The following ZDHHC21 variants were observed in gnomAD, a reference collection of about 807,000 sequenced individuals.
ZDHHC21 encodes the protein palmitoyltransferase ZDHHC21.
Under a neutral mutation model 34.6 loss-of-function variants are expected in ZDHHC21, and 15 were observed. The ratio of observed to expected loss-of-function variants is 0.43; its 90% CI spans 0.29 to 0.67. ZDHHC21 has a LOEUF of 0.67. Ranked by LOEUF, ZDHHC21 falls within the 30% of genes least tolerant of loss-of-function variation. ZDHHC21 has a pLI of 0.14. For missense variants in ZDHHC21, 344 were observed against 327.7 expected (o/e 1.05, Z -0.38); for synonymous variants, 142 against 101.8 (o/e 1.40, Z -2.38).
At chr9:14,627,660 TA>T in intron 8 of ZDHHC21, among the ~76,000 whole-genome samples, 1 of 152,230 alleles carries the variant, frequency 6.6e-6, no homozygotes, top group Non-Finnish European at 1.5e-5. Flanking sequence ...AAAAATTAGA[TA>T]AACTGTCAGA....
intron 7 of ZDHHC21, among the ~76,000 whole-genome samples, chr9:14,648,597 C>A (rs1260236149): frequency 6.6e-6 from 1 of 152,082 alleles, no homozygotes; most frequent in Admixed American, 6.6e-5. Flanking sequence ...ACTATATCCA[C>A]CCCTGTACCC....
At chr9:14,602,928 C>CAAAAAAAAA in the ZDHHC21 span, among the ~76,000 whole-genome samples, 2 of 88,060 alleles carry the variant, frequency 2.3e-5, no homozygotes, top group African/African-American at 1.0e-4. Flanking sequence ...GACTTCATCT[C>CAAAAAAAAA]AAAAAAAAAA....
At chr9:14,592,109 AT>A in the ZDHHC21 span, among the ~76,000 whole-genome samples, 1 of 151,380 alleles carries the variant, frequency 6.6e-6, no homozygotes, top group Non-Finnish European at 1.5e-5. Flanking sequence ...TGTCTTATAT[AT>A]TTTTTTCTCT....
intron 7 of ZDHHC21, among the ~76,000 whole-genome samples, chr9:14,651,311 T>C (rs1380281757): frequency 3.3e-5 from 5 of 151,902 alleles, no homozygotes; most frequent in Admixed American, 2.6e-4. Flanking sequence ...ATATTTAATA[T>C]TATTAATCCT....
chr9:14,638,378 T>C (rs1266098597), intron 8 of ZDHHC21, among the ~76,000 whole-genome samples: 3 of 152,012 alleles, frequency 2.0e-5, no homozygotes, highest in South Asian at 4.1e-4. Context: ...TTTCTCACCA[T>C]ATACAGAAAC....
intron 5 of ZDHHC21, among the ~76,000 whole-genome samples, chr9:14,664,528 G>T (rs1392119751): frequency 1.3e-5 from 2 of 151,654 alleles, no homozygotes; most frequent in African/African-American, 4.8e-5. Flanking sequence ...AGGCCTGCCT[G>T]CCTCTGTAGG....
intron 2 of ZDHHC21, among the ~76,000 whole-genome samples, chr9:14,686,311 T>C (rs1254097013): frequency 1.3e-5 from 2 of 151,836 alleles, no homozygotes; most frequent in African/African-American, 2.4e-5. Context: ...TAGTGATCAA[T>C]TGGGAGCAAA....
rs983473636 is a variant in ZDHHC21 at position 14,658,829 on chromosome 9, T to C, written c.424A>G (p.Thr142Ala). ...HWLFLQLCFY[T>A]ELLTCYALMF... Reference sequence around the variant, plus strand: ...AGTGCGTAGCAAGTAAGAAGTTCAGTGTAGAAACACAACTGCAGAAAGAGC... The same window carrying C: ...AGTGCGTAGCAAGTAAGAAGTTCAGCGTAGAAACACAACTGCAGAAAGAGC... Residue 142 changes from threonine (T) to alanine (A), a missense_variant, in exon 7 of 10, where the codon ACT becomes GCT. Transcript: ENST00000380916. 7 of 1,613,518 alleles carry C rather than the reference T, an allele frequency of 4.3e-6. No homozygotes were observed. In the African/African-American group the frequency reaches 8.0e-5, roughly 18 times the overall value.
At chr9:14,648,692 T>C (rs1830687052) in intron 7 of ZDHHC21, among the ~76,000 whole-genome samples, 1 of 152,136 alleles carries the variant, frequency 6.6e-6, no homozygotes, top group South Asian at 2.1e-4. Flanking sequence ...GTAAGCTCCT[T>C]AAACACAGGA....
chr9:14,627,722 C>T (rs927898902), intron 8 of ZDHHC21, among the ~76,000 whole-genome samples: 5 of 152,310 alleles, frequency 3.3e-5, no homozygotes, highest in Admixed American at 2.6e-4. Context: ...CCAGAATGCG[C>T]TGTACCAGCT....
At chr9:14,610,541 C>T (rs1823171631), downstream of ZDHHC21, among the ~76,000 whole-genome samples, 1 of 151,946 alleles carries the variant, frequency 6.6e-6, no homozygotes, top group Non-Finnish European at 1.5e-5. Flanking sequence ...AAACCTCTGT[C>T]TTTCAATCTC....
intron 5 of ZDHHC21, among the ~76,000 whole-genome samples, chr9:14,663,322 T>C (rs1388126882): frequency 3.3e-5 from 5 of 152,148 alleles, no homozygotes; most frequent in Non-Finnish European, 5.9e-5. Context: ...CTAACTCCTA[T>C]ATTCAGATTG....
intron 7 of ZDHHC21, among the ~76,000 whole-genome samples, chr9:14,650,398 G>A (rs976150953): frequency 2.0e-5 from 3 of 151,642 alleles, no homozygotes; most frequent in African/African-American, 4.8e-5. Context: ...AATACTCTTG[G>A]CTATTCTTGA....
chr9:14,604,702 G>A, the ZDHHC21 span, among the ~76,000 whole-genome samples: 37 of 152,006 alleles, frequency 2.4e-4, no homozygotes, highest in African/African-American at 8.7e-4. Context: ...ACTTTTTATT[G>A]TGGCAAAAAG....
downstream of ZDHHC21, among the ~76,000 whole-genome samples, chr9:14,609,079 T>C (rs903998552): frequency 4.2e-5 from 5 of 117,720 alleles, no homozygotes; most frequent in Admixed American, 7.9e-5. Context: ...CCTTCCCCAA[T>C]TGTTTCCTCC....
intron 4 of ZDHHC21, among the ~76,000 whole-genome samples, chr9:14,673,382 A>C (rs1835821905): frequency 6.6e-6 from 1 of 152,058 alleles, no homozygotes; most frequent in Non-Finnish European, 1.5e-5. Flanking sequence ...ATGGATCTTA[A>C]AATGATTAGT....
intron 8 of ZDHHC21, chr9:14,622,599 C>A (rs1015067050): frequency 1.0e-6 from 1 of 985,248 alleles, no homozygotes; most frequent in South Asian, 4.7e-5. Context: ...CCAACTAACT[C>A]ATCCTGTTTT....
At position 14,662,223 on chromosome 9, in the gene ZDHHC21, G is replaced by T; in HGVS notation, c.357C>A (p.His119Gln). The part of the protein sequence containing the change: ...CGHCVRRMDH[H>Q]CPWINNCVGE... Reference sequence around the variant, plus strand: ...AAGTGAATTATTCTTACCATGGACAGTGATGATCCATTCTCCTCACACAGT... The same window carrying T: ...AAGTGAATTATTCTTACCATGGACATTGATGATCCATTCTCCTCACACAGT... The change falls in exon 6 of 10, where the codon CAC becomes CAA. Residue 119 changes from histidine (H) to glutamine (Q), a missense_variant. His to Gln is a conservative substitution (Grantham distance 24). Transcript: ENST00000380916. 6.2e-7 allele frequency: 1 copy of T among 1,607,990 alleles called. No individual in the cohort carries two copies. The highest frequency in any genetic ancestry group is 8.5e-7 in the Non-Finnish European group (1 of 1,177,262).
chr9:14,668,830 A>G (rs1834962331), intron 5 of ZDHHC21, among the ~76,000 whole-genome samples: 1 of 132,250 alleles, frequency 7.6e-6, no homozygotes, highest in Non-Finnish European at 1.6e-5. Context: ...TCCCTTCCTT[A>G]CACCTTATAC....
Sources: gnomAD v4.1 joint callset for allele counts (sites outside exome capture counted in the v4.1 genomes callset) on GRCh38, gnomAD v4.1.1 for gene constraint, MANE v1.5 for transcripts, NCBI Gene and HGNC (gene_info 2026-07-23, HGNC 2026-07-21) for gene names.